The following TSPAN32 variants were observed in gnomAD, a reference collection of about 807,000 sequenced individuals.
TSPAN32 encodes the protein tetraspanin 32, also known as tetraspanin-32.
In TSPAN32, 47 loss-of-function variants were observed where a neutral mutation model predicts 42.7. The observed-to-expected ratio is 1.10, with a 90% CI of 0.87 to 1.40. The LOEUF is 1.40. Among genes scored for constraint, TSPAN32 ranks in the 40% most tolerant of loss-of-function variants. TSPAN32 has a pLI of 0.00. For missense variants in TSPAN32, 469 were observed against 424.1 expected (o/e 1.11, Z -0.93); for synonymous variants, 175 against 175.9 (o/e 0.99, Z 0.04).
intron 4 of TSPAN32, among the ~76,000 whole-genome samples, chr11:2,311,440 C>T (rs543697155): frequency 1.6e-4 from 25 of 152,298 alleles, no homozygotes; most frequent in African/African-American, 5.8e-4. Context: ...CCTGACGAGT[C>T]TGCTTCGGGA....
chr11:2,312,010 C>CCAGGCAGGGCAGGAAGAGCCAGGCAGGG (rs1848487599), intron 4 of TSPAN32, among the ~76,000 whole-genome samples: 2 of 152,074 alleles, frequency 1.3e-5, no homozygotes, highest in Non-Finnish European at 2.9e-5. Flanking sequence ...CTTGGCAGAG[C>CCAGGCAGGGCAGGAAGAGCCAGGCAGGG]CAGGCAGGGC....
At chr11:2,312,419 C>T (rs1313667903) in intron 4 of TSPAN32, among the ~76,000 whole-genome samples, 1 of 152,252 alleles carries the variant, frequency 6.6e-6, no homozygotes, top group Non-Finnish European at 1.5e-5. Context: ...TGGTGCCTGC[C>T]CGCCCCTGGG....
At chr11:2,315,225 C>T (rs910936476) in intron 6 of TSPAN32, 85 of 1,194,122 alleles carry the variant, frequency 7.1e-5, no homozygotes, top group Non-Finnish European at 8.5e-5. Flanking sequence ...GTCCTGGAAA[C>T]AAACCCACCC....
Position 2,303,142 on chromosome 11 carries a change from G to C in TSPAN32, c.181+184G>C. Reference sequence around the variant, plus strand: ...TCCCCTGGGCAGGGCCTCGGGTCTGGGTGACAGCCAGTGTTCCTGCCTGGT... The same window carrying C: ...TCCCCTGGGCAGGGCCTCGGGTCTGCGTGACAGCCAGTGTTCCTGCCTGGT... On this transcript the variant is annotated intron_variant, in intron 2 of 9. Transcript: ENST00000182290. The C allele has an allele frequency of 1.7e-5, 10 of 590,094 alleles. No individual in the cohort carries two copies. In the South Asian group the frequency reaches 2.0e-4, roughly 12 times the overall value. 36.6% of individuals were successfully genotyped at this position (590,094 alleles called of 1,614,324 possible).
At chr11:2,307,609 CG>C in intron 3 of TSPAN32, among the ~76,000 whole-genome samples, 1 of 152,278 alleles carries the variant, frequency 6.6e-6, no homozygotes, top group Non-Finnish European at 1.5e-5. Context: ...AAAACTGTAT[CG>C]GGGGCATCTG....
intron 4 of TSPAN32, chr11:2,309,180 A>C: frequency 2.6e-6 from 1 of 385,178 alleles, no homozygotes; most frequent in Non-Finnish European, 5.3e-6. Flanking sequence ...GGGGTTGACT[A>C]GAAGGAGCAG....
Position 2,317,253 on chromosome 11 carries a change from C to T in TSPAN32, c.720-91C>T. ...TCCCCTCCAGAACATTCTGCAACAG[C>T]CCCATGATCCCCTCTAGAACATTCC... On this transcript the variant is annotated intron_variant, in intron 8 of 9. Coordinates refer to ENST00000182290, the MANE Select transcript of TSPAN32 (RefSeq NM_139022.3). The surrounding 1 kb of genome is among the most constrained non-coding windows in gnomAD (Gnocchi z 6.2). The T allele has an allele frequency of 2.0e-6, 2 of 999,124 alleles. No homozygotes were observed. Among genetic ancestry groups the T allele is most frequent in the South Asian group, 3.1e-5 (2 of 65,172 alleles). The allele number at this position is 999,124 out of a possible 1,614,324, so 61.9% of individuals were successfully genotyped here.
Position 2,317,913 on chromosome 11 carries a change from C to A in TSPAN32, c.952C>A (p.Leu318Ile). ...GGLSGCPERG[L>I]SD ...GCTCAGTGGGTGCCCTGAGCGGGGT[C>A]TCTCAGACTGACGTCAGGCCTTGGT... Residue 318 changes from leucine to isoleucine, a missense_variant, in exon 10 of 10, where the codon CTC (leucine) becomes ATC (isoleucine). Leu to Ile is a conservative substitution (Grantham distance 5). Coordinates refer to ENST00000182290, the MANE Select transcript of TSPAN32 (RefSeq NM_139022.3). The surrounding 1 kb of genome is among the most constrained non-coding windows in gnomAD (Gnocchi z 6.2). The A allele has an allele frequency of 8.7e-7, 1 of 1,155,216 alleles. No homozygotes were observed. The highest frequency in any genetic ancestry group is 1.3e-6 in the Non-Finnish European group (1 of 761,438). 71.6% of individuals were successfully genotyped at this position (1,155,216 alleles called of 1,614,324 possible).
rs188191911 is a variant in TSPAN32 at position 2,313,974 on chromosome 11, C to T, written c.456+219C>T. Among the ~76,000 whole-genome samples, 2 of 152,092 alleles carry T rather than the reference C, an allele frequency of 1.3e-5. No individual in the cohort carries two copies. Among genetic ancestry groups the T allele is most frequent in the Non-Finnish European group, 2.9e-5 (2 of 67,990 alleles). On this transcript the variant is annotated intron_variant, in intron 5 of 9. Transcript: ENST00000182290. The surrounding 1 kb of genome is among the most constrained non-coding windows in gnomAD (Gnocchi z 9.1). Reference sequence around the variant, plus strand: ...CAGATTCTCGAGGCCCAGTGCAAAACGAGAGGGCAGGGCCCTGTATTCAGA... The same window carrying T: ...CAGATTCTCGAGGCCCAGTGCAAAATGAGAGGGCAGGGCCCTGTATTCAGA...
intron 1 of TSPAN32, 117 bp from the exon 2 acceptor site, chr11:2,302,727 G>A (rs1284234388): frequency 1.6e-5 from 13 of 790,578 alleles, no homozygotes; most frequent in Non-Finnish European, 2.5e-5. Context: ...CTGCAGCTGA[G>A]CCTGTCTCTC....
At position 2,314,577 on chromosome 11, in the gene TSPAN32, G is replaced by C. The variant is rs199572386; in HGVS notation, c.543+6G>C. On this transcript the variant is annotated splice_donor_region_variant and intron_variant, in intron 6 of 9. Coordinates refer to ENST00000182290, the MANE Select transcript of TSPAN32 (RefSeq NM_139022.3). ...GAGAGGAGGCGGCGAGAGAGGTGAGGGGGGGACCTGGATGCTGGCCAGGCA... is the reference window on the plus strand; with the variant it reads ...GAGAGGAGGCGGCGAGAGAGGTGAGCGGGGGACCTGGATGCTGGCCAGGCA... The C allele has an allele frequency of 2.5e-6, 4 of 1,602,090 alleles. No homozygotes were observed. The highest frequency in any genetic ancestry group is 3.4e-5 in the Admixed American group (2 of 58,276).
At chr11:2,310,109 T>C (rs1338954212) in intron 4 of TSPAN32, 1 of 152,360 alleles carries the variant, frequency 6.6e-6, no homozygotes, top group African/African-American at 2.4e-5. Context: ...TCACGTTTCC[T>C]GTCCACTGAG....
intron 6 of TSPAN32, chr11:2,315,902 A>G: frequency 1.4e-6 from 2 of 1,453,696 alleles, no homozygotes; most frequent in Admixed American, 2.1e-5. Context: ...GATGCTGGGA[A>G]CCCAGAGTGA....
chr11:2,310,015 G>T (rs1335274223), intron 4 of TSPAN32: 2 of 152,616 alleles, frequency 1.3e-5, no homozygotes, highest in Non-Finnish European at 2.9e-5. Flanking sequence ...GAGGGGCTGA[G>T]CCCCCAGAAG....
Position 2,313,866 on chromosome 11 carries a change from TCCAGGACACAGG to T in TSPAN32, c.456+116_456+127del, listed in dbSNP as rs1848623871. 1 of 872,912 alleles carries T rather than the reference TCCAGGACACAGG, an allele frequency of 1.1e-6. No individual in the cohort carries two copies. The highest frequency in any genetic ancestry group is 2.7e-5 in the East Asian group (1 of 37,082). 54.1% of individuals were successfully genotyped at this position (872,912 alleles called of 1,614,324 possible). A position where few individuals can be genotyped will look rare whatever the true frequency, so the allele number is the denominator to read the frequency against. On this transcript the variant is annotated intron_variant, in intron 5 of 9. Coordinates refer to ENST00000182290, the MANE Select transcript of TSPAN32 (RefSeq NM_139022.3). This position sits in a 1 kb window ranked among gnomAD's most constrained non-coding sequence, Gnocchi z 9.1. ...AGGTCTGGCCAGGCACCGAGGGGGT[TCCAGGACACAGG>T]CCAGAGTTGCCCCTCAGGGCTGGGG...
Position 2,316,683 on chromosome 11 carries a change from TG to T in TSPAN32, c.719+17del. 2 of 1,519,924 alleles carry T rather than the reference TG, an allele frequency of 1.3e-6. No individual in the cohort carries two copies. Among genetic ancestry groups the T allele is most frequent in the Non-Finnish European group, 8.8e-7 (1 of 1,133,666 alleles). The allele number at this position is 1,519,924 out of a possible 1,614,324, so 94.2% of individuals were successfully genotyped here. ...TGACCCCACGGTAGGGCCCCCTGCC[TG>T]CCCCCACACCCTCTGGAAGGGTCCT... On this transcript the variant is annotated intron_variant, in intron 8 of 9. Transcript: ENST00000182290.
intron 2 of TSPAN32, chr11:2,303,492 G>T: frequency 5.7e-6 from 1 of 174,002 alleles, no homozygotes; most frequent in Non-Finnish European, 1.3e-5. Flanking sequence ...GTAAGGCTGA[G>T]GAAGGCCCCT....
Position 2,308,826 on chromosome 11 carries a change from C to G in TSPAN32, c.354+16C>G, listed in dbSNP as rs1419169637. 1 of 1,544,508 alleles carries G rather than the reference C, an allele frequency of 6.5e-7. No homozygotes were observed. The highest frequency in any genetic ancestry group is 2.4e-5 in the East Asian group (1 of 41,396). ...CCCCACCCAGGTGAGCACCAGCTGC[C>G]CCTACCCTGCAGTGGAGGGTCCCCC... On this transcript the variant is annotated intron_variant, in intron 4 of 9. Transcript: ENST00000182290.
At chr11:2,309,280 C>T (rs930864085) in intron 4 of TSPAN32, 9 of 454,714 alleles carry the variant, frequency 2.0e-5, no homozygotes, top group East Asian at 1.4e-4. Context: ...TGGAGACCCG[C>T]GGACTGGGGT....
Sources: gnomAD v4.1 joint callset for allele counts (sites outside exome capture counted in the v4.1 genomes callset) on GRCh38, gnomAD v4.1.1 for gene constraint, Gnocchi (gnomAD v3.1) non-coding constraint, MANE v1.5 for transcripts, NCBI Gene and HGNC (gene_info 2026-07-23, HGNC 2026-07-21) for gene names.